The following CNBD1 variants were observed in gnomAD, a reference collection of about 807,000 sequenced individuals.
The protein encoded by CNBD1 is cyclic nucleotide-binding domain-containing protein 1.
A neutral mutation model predicts 54.4 loss-of-function variants in CNBD1; 71 were observed. The ratio of observed to expected loss-of-function variants is 1.30; its 90% CI spans 1.08 to 1.59. The LOEUF (loss-of-function observed/expected upper bound fraction) is 1.59, where lower values mean the gene tolerates loss of function less well. CNBD1 is among the 40% of genes most tolerant of loss of function. The probability of loss-of-function intolerance (pLI) is 0.00; values close to 1 mark genes in which losing one functional copy is unlikely to be tolerated. For synonymous variants in CNBD1, 182 were observed against 170.7 expected (o/e 1.07, Z -0.51); for missense variants, 659 against 518.0 (o/e 1.27, Z -2.64).
chr8:86,932,465 G>T (rs1809473808), intron 3 of CNBD1, among the ~76,000 whole-genome samples: 1 of 152,138 alleles, frequency 6.6e-6, no homozygotes, highest in African/African-American at 2.4e-5. Flanking sequence ...CTGTAGGGAG[G>T]CTAGGATATG....
At chr8:87,406,463 CACACACACACACACACT>C (rs1807654357) in intron 2 of CNBD1, among the ~76,000 whole-genome samples, 2 of 137,494 alleles carry the variant, frequency 1.5e-5, no homozygotes, top group African/African-American at 6.5e-5. Context: ...CACACACACA[CACACACACACACACACT>C]TTTTTTTTTT....
At chr8:87,145,003 C>T (rs1334052828) in intron 4 of CNBD1, among the ~76,000 whole-genome samples, 2 of 151,980 alleles carry the variant, frequency 1.3e-5, no homozygotes, top group Non-Finnish European at 2.9e-5. Flanking sequence ...AAATATCTAA[C>T]TGGAGTTCTA....
intron 4 of CNBD1, among the ~76,000 whole-genome samples, chr8:87,019,667 C>T (rs549183003): frequency 3.3e-5 from 5 of 152,140 alleles, no homozygotes; most frequent in African/African-American, 1.2e-4. Flanking sequence ...CACCTAACGT[C>T]GGGAGTTCGA....
At chr8:87,206,587 C>A (rs577193483) in intron 5 of CNBD1, among the ~76,000 whole-genome samples, 31 of 152,126 alleles carry the variant, frequency 2.0e-4, no homozygotes, top group African/African-American at 7.5e-4. Context: ...AGATAGTCAA[C>A]ATGATTATTT....
At chr8:87,240,711 C>T (rs1807679041) in intron 6 of CNBD1, among the ~76,000 whole-genome samples, 1 of 152,068 alleles carries the variant, frequency 6.6e-6, no homozygotes, top group South Asian at 2.1e-4. Flanking sequence ...AGGAAGGAGG[C>T]TGGGAATTAA....
At chr8:86,890,421 T>C (rs1359770190) in intron 2 of CNBD1, among the ~76,000 whole-genome samples, 2 of 152,146 alleles carry the variant, frequency 1.3e-5, no homozygotes, top group African/African-American at 4.8e-5. Flanking sequence ...AAGAATTTTC[T>C]TCTTTTTAAG....
At chr8:87,096,296 T>C (rs1690751687) in intron 4 of CNBD1, among the ~76,000 whole-genome samples, 1 of 151,384 alleles carries the variant, frequency 6.6e-6, no homozygotes, top group African/African-American at 2.4e-5. Context: ...GCCTTCTCCC[T>C]ATGTCATCAC....
intron 4 of CNBD1, among the ~76,000 whole-genome samples, chr8:86,948,463 A>T (rs1807522785): frequency 6.6e-6 from 1 of 152,156 alleles, no homozygotes; most frequent in South Asian, 2.1e-4. Flanking sequence ...AACTAGAGTG[A>T]GATGACACCT....
At chr8:86,974,525 T>C (rs926391511) in intron 4 of CNBD1, among the ~76,000 whole-genome samples, 1 of 152,076 alleles carries the variant, frequency 6.6e-6, no homozygotes, top group Admixed American at 6.6e-5. Context: ...ATAGAATGGT[T>C]GTAAATTGTA....
At chr8:86,936,629 G>C (rs1456750407) in intron 3 of CNBD1, among the ~76,000 whole-genome samples, 1 of 151,614 alleles carries the variant, frequency 6.6e-6, no homozygotes. Context: ...TGTAGTCCCA[G>C]CTACTCAGGA....
intron 4 of CNBD1, among the ~76,000 whole-genome samples, chr8:87,137,350 C>A (rs1048620698): frequency 2.6e-5 from 4 of 151,252 alleles, no homozygotes; most frequent in Non-Finnish European, 4.4e-5. Context: ...GCGCCAGCCA[C>A]CATGCCAGGC....
intron 4 of CNBD1, among the ~76,000 whole-genome samples, chr8:87,187,919 T>G (rs1211126820): frequency 6.6e-6 from 1 of 152,160 alleles, no homozygotes; most frequent in Non-Finnish European, 1.5e-5. Context: ...ATGACTTTAT[T>G]TTTCCTAATG....
chr8:87,292,844 C>T (rs938917367), intron 8 of CNBD1, among the ~76,000 whole-genome samples: 4 of 152,104 alleles, frequency 2.6e-5, no homozygotes, highest in African/African-American at 4.8e-5. Flanking sequence ...CTGTTTCACA[C>T]GTGATGAGTG....
intron 3 of CNBD1, among the ~76,000 whole-genome samples, chr8:86,928,151 T>G (rs2131831963): frequency 6.6e-6 from 1 of 152,194 alleles, no homozygotes; most frequent in Non-Finnish European, 1.5e-5. Context: ...CATCCTTCAT[T>G]TAGGGTTTTA....
chr8:87,290,119 G>A (rs1563539537), intron 8 of CNBD1, among the ~76,000 whole-genome samples: 1 of 151,876 alleles, frequency 6.6e-6, no homozygotes, highest in South Asian at 2.1e-4. Context: ...AGTTTTAAAT[G>A]TGACTCATGT....
intron 3 of CNBD1, among the ~76,000 whole-genome samples, chr8:86,927,825 T>A (rs973771903): frequency 6.6e-6 from 1 of 152,154 alleles, no homozygotes; most frequent in South Asian, 2.1e-4. Flanking sequence ...TAGGAGCCTT[T>A]TGAGTCTGGG....
intron 4 of CNBD1, among the ~76,000 whole-genome samples, chr8:87,065,075 G>T (rs1034588206): frequency 6.6e-6 from 1 of 151,694 alleles, no homozygotes; most frequent in Non-Finnish European, 1.5e-5. Flanking sequence ...CAATCTGTTT[G>T]GTTCTTAATT....
chr8:87,408,486 T>C (rs10093720), intron 2 of CNBD1, among the ~76,000 whole-genome samples: 46,066 of 151,940 alleles, frequency 0.3, 7,327 homozygotes, highest in Middle Eastern at 0.41. Flanking sequence ...TTAAACTTGA[T>C]ATTCTATTTA....
At chr8:87,257,394 CA>C (rs1554573279) in intron 6 of CNBD1, among the ~76,000 whole-genome samples, 1 of 106,448 alleles carries the variant, frequency 9.4e-6, no homozygotes, top group Non-Finnish European at 2.0e-5. Flanking sequence ...AAGGAAATGA[CA>C]ATTGAATGAA....
Sources: gnomAD v4.1 joint callset for allele counts (sites outside exome capture counted in the v4.1 genomes callset) on GRCh38, gnomAD v4.1.1 for gene constraint, MANE v1.5 for transcripts, NCBI Gene and HGNC (gene_info 2026-07-23, HGNC 2026-07-21) for gene names.